The following KIAA0232 variants were observed in gnomAD, a reference collection of about 807,000 sequenced individuals.
KIAA0232 encodes uncharacterized protein KIAA0232.
Under a neutral mutation model 122.0 loss-of-function variants are expected in KIAA0232, and 27 were observed. The observed-to-expected ratio is 0.22, with a 90% CI of 0.16 to 0.31. The LOEUF is 0.31. Among genes scored for constraint, KIAA0232 ranks in the 10% least tolerant of loss-of-function variants. KIAA0232 has a pLI of 1.00. For missense variants in KIAA0232, 1,551 were observed against 1,634.2 expected, an observed-to-expected ratio of 0.95 and a Z score of 0.88; for synonymous variants, 613 against 587.6, an observed-to-expected ratio of 1.04 and a Z score of -0.63.
chr4:6,805,031 G>A (rs191799357), intron 2 of KIAA0232, among the ~76,000 whole-genome samples: 4 of 152,242 alleles, frequency 2.6e-5, no homozygotes, highest in Admixed American at 1.3e-4. Context: ...TCTTGTTTCA[G>A]CTTTGATATT....
In KIAA0232 at chr4:6,817,132, T is replaced by C. The variant is rs187364138; in HGVS notation, c.-269-7053T>C. ...TTGTCTAGTTTCTTAAGGTGAAAACTGAGATCATTGATTTAAGACCTTTTC... is the reference window on the plus strand; with the variant it reads ...TTGTCTAGTTTCTTAAGGTGAAAACCGAGATCATTGATTTAAGACCTTTTC... On this transcript the variant is annotated intron_variant, in intron 2 of 9. Transcript: ENST00000307659. 2.6e-5 allele frequency among the ~76,000 whole-genome samples: 4 copies of C among 152,328 alleles called. No individual in the cohort carries two copies. The East Asian group carries it at 7.7e-4, about 29-fold the overall frequency.
chr4:6,841,807 C>T (rs1208248959), intron 3 of KIAA0232, among the ~76,000 whole-genome samples: 1 of 152,132 alleles, frequency 6.6e-6, no homozygotes, highest in Admixed American at 6.5e-5. Flanking sequence ...TCAAAGAAGA[C>T]CTAAATAAAT....
Position 6,824,141 on chromosome 4 carries a change from A to G in KIAA0232, c.-269-44A>G, listed in dbSNP as rs555924232. The G allele has an allele frequency of 5.0e-5, 22 of 438,728 alleles. No individual in the cohort carries two copies. In the Admixed American group the frequency reaches 6.5e-4, roughly 13 times the overall value. The allele number at this position is 438,728 out of a possible 1,614,324, so 27.2% of individuals were successfully genotyped here. ...TTCCTCAAAAGGTCAATAATTTATT[A>G]TTTATATATAATGCATACTTTTTTT... On this transcript the variant is annotated intron_variant, in intron 2 of 9. Coordinates refer to ENST00000307659, the MANE Select transcript of KIAA0232 (RefSeq NM_014743.3).
intron 3 of KIAA0232, among the ~76,000 whole-genome samples, chr4:6,841,703 T>C (rs1719670809): frequency 6.6e-6 from 1 of 152,034 alleles, no homozygotes; most frequent in Admixed American, 6.6e-5. Context: ...AAAAACTCCA[T>C]TTGCAATAGT....
chr4:6,812,666 A>C (rs540724011), intron 2 of KIAA0232, among the ~76,000 whole-genome samples: 1 of 152,332 alleles, frequency 6.6e-6, no homozygotes, highest in East Asian at 1.9e-4. Context: ...CATGAGAAGA[A>C]AGAAAGAAGT....
intron 9 of KIAA0232, 83 bp from the exon 10 acceptor site, chr4:6,880,700 ATTTC>A: frequency 1.1e-6 from 1 of 896,806 alleles, no homozygotes; most frequent in South Asian, 3.1e-5. Context: ...ATGATTTATT[ATTTC>A]TTCTTTGTAT....
rs1302590220 is a variant in KIAA0232, at chr4:6,881,148, GA to G, written c.*183del. On this transcript the variant is annotated 3_prime_UTR_variant, in exon 10 of 10. Transcript: ENST00000307659. ...AGTTGAGGACAGCTATCCTGTTAAA[GA>G]TTTTTTTTCCCAGCTGTTAAATTCT... 1 of 454,042 alleles carries G rather than the reference GA, an allele frequency of 2.2e-6. No homozygotes were observed. Among genetic ancestry groups the G allele is most frequent in the Non-Finnish European group, 3.7e-6 (1 of 271,344 alleles). The allele number at this position is 454,042 out of a possible 1,614,324, so 28.1% of individuals were successfully genotyped here. A position where few individuals can be genotyped will look rare whatever the true frequency, so the allele number is the denominator to read the frequency against.
At position 6,824,347 on chromosome 4, in the gene KIAA0232, G is replaced by T; in HGVS notation, c.-107G>T. On this transcript the variant is annotated 5_prime_UTR_variant, in exon 3 of 10. The change abolishes an upstream ATG in the 5' untranslated region. Coordinates refer to ENST00000307659, the MANE Select transcript of KIAA0232 (RefSeq NM_014743.3). ...GCAAAAATAAATGCTTATCCTACAT[G>T]TCAAGCATCTCTACTTTTTACTGGA... The T allele has an allele frequency of 3.3e-6, 3 of 919,794 alleles. No individual in the cohort carries two copies. The highest frequency in any genetic ancestry group is 5.4e-6 in the Non-Finnish European group (3 of 558,746). The allele number at this position is 919,794 out of a possible 1,614,324, so 57.0% of individuals were successfully genotyped here.
intron 3 of KIAA0232, among the ~76,000 whole-genome samples, chr4:6,839,242 G>A (rs560559558): frequency 1.3e-5 from 2 of 152,154 alleles, no homozygotes; most frequent in East Asian, 1.9e-4. Flanking sequence ...TCCCATCACC[G>A]TCAGGTTTAG....
intron 3 of KIAA0232, among the ~76,000 whole-genome samples, chr4:6,828,810 T>C (rs758494182): frequency 6.6e-6 from 1 of 152,236 alleles, no homozygotes; most frequent in Admixed American, 6.5e-5. Context: ...CTCTTCATGC[T>C]GACCTCTCTG....
In KIAA0232 at chr4:6,805,728, A is replaced by T. The variant is rs77960667; in HGVS notation, c.-270+1122A>T. The stretch of plus-strand genomic sequence containing the variant: ...GTATTTTATATGATAAAATGTTTCA[A>T]CGTTGACAAAGTGGGTTTCATCATG... On this transcript the variant is annotated intron_variant, in intron 2 of 9. Transcript: ENST00000307659. Among the ~76,000 whole-genome samples the T allele has an allele frequency of 3.5e-3, 529 of 152,276 alleles. 6 individuals carry two copies. Among genetic ancestry groups the T allele is most frequent in the African/African-American group, 0.012 (499 of 41,572 alleles).
intron 6 of KIAA0232, 66 bp downstream of exon 6, chr4:6,858,572 G>T: frequency 2.0e-6 from 2 of 1,021,080 alleles, no homozygotes; most frequent in Admixed American, 2.5e-5. Flanking sequence ...ACTGCTACAT[G>T]GTTTCCGTTT....
chr4:6,864,324 T>C (rs1367377930), intron 7 of KIAA0232, 141 bp downstream of exon 7: 2 of 938,118 alleles, frequency 2.1e-6, no homozygotes, highest in Non-Finnish European at 3.1e-6. Context: ...GTTCTAATTT[T>C]ACATGTAAGG....
At chr4:6,819,570 G>A (rs1718322493) in intron 2 of KIAA0232, among the ~76,000 whole-genome samples, 1 of 152,194 alleles carries the variant, frequency 6.6e-6, no homozygotes, top group South Asian at 2.1e-4. Context: ...TCTCACAACA[G>A]TCAGAATGGC....
At chr4:6,830,917 G>A (rs1718941807) in intron 3 of KIAA0232, among the ~76,000 whole-genome samples, 1 of 152,090 alleles carries the variant, frequency 6.6e-6, no homozygotes, top group African/African-American at 2.4e-5. Flanking sequence ...ACTAAGAATT[G>A]GAGAGGATGA....
chr4:6,845,802 T>C (rs772085374), intron 4 of KIAA0232, among the ~76,000 whole-genome samples: 8 of 152,114 alleles, frequency 5.3e-5, no homozygotes, highest in Non-Finnish European at 1.2e-4. Context: ...GCAGCTGAAA[T>C]CAACTGAAAA....
In KIAA0232 at chr4:6,788,963, C is replaced by CT. The variant is rs372402270; in HGVS notation, c.-354+6125dup. ...TGTGTAAAGAAAAAAATCTCATTTT[C>CT]TTTCTTTTTTTTTTATTTTTATTTT... On this transcript the variant is annotated intron_variant, in intron 1 of 9. Transcript: ENST00000307659. Among the ~76,000 whole-genome samples the CT allele has an allele frequency of 4.6e-4, 63 of 136,370 alleles. 1 individual carries two copies. Among genetic ancestry groups the CT allele is most frequent in the African/African-American group, 1.6e-3 (60 of 38,680 alleles). The allele number at this position is 136,370 out of a possible 152,430, so 89.5% of individuals were successfully genotyped here.
Position 6,861,667 on chromosome 4 carries a change from G to T in KIAA0232, c.1285G>T (p.Asp429Tyr). Residue 429 changes from aspartate to tyrosine, a missense_variant, in exon 7 of 10, where the codon GAT (aspartate) becomes TAT (tyrosine). Physicochemically the swap from Asp to Tyr is radical, Grantham distance 160. Transcript: ENST00000307659. ...AGAGACCACATACCGAAACAGACAG[G>T]ATACAAGTGATCTGACATCAGAGGC... ...KLETTYRNRQ[D>Y]TSDLTSEAVE... The T allele has an allele frequency of 6.2e-7, 1 of 1,614,096 alleles. No homozygotes were observed. Among genetic ancestry groups the T allele is most frequent in the Admixed American group, 1.7e-5 (1 of 60,016 alleles).
chr4:6,795,174 C>T (rs1717074860), intron 1 of KIAA0232, among the ~76,000 whole-genome samples: 1 of 152,122 alleles, frequency 6.6e-6, no homozygotes, highest in African/African-American at 2.4e-5. Context: ...GGGTTCATGC[C>T]ATTCTCTTGC....
Sources: gnomAD v4.1 joint callset for allele counts (sites outside exome capture counted in the v4.1 genomes callset) on GRCh38, gnomAD v4.1.1 for gene constraint, MANE v1.5 for transcripts, NCBI Gene and HGNC (gene_info 2026-07-23, HGNC 2026-07-21) for gene names.